The following MED13L variants were observed in gnomAD, a reference collection of about 807,000 sequenced individuals.
MED13L encodes the protein mediator of RNA polymerase II transcription subunit 13-like.
A neutral mutation model predicts 220.9 loss-of-function variants in MED13L; 7 were observed. That is an observed-to-expected ratio of 0.03 (90% CI 0.02 to 0.06). The LOEUF (loss-of-function observed/expected upper bound fraction) is 0.06, where lower values mean the gene tolerates loss of function less well. Among genes scored for constraint, MED13L ranks in the 10% least tolerant of loss-of-function variants. MED13L has a pLI of 1.00. For synonymous variants in MED13L, 1,011 were observed against 1,015.2 expected (o/e 1.00, Z 0.08); for missense variants, 1,965 against 2,760.5 (o/e 0.71, Z 6.46).
chr12:116,041,341 G>A (rs1440464039), intron 4 of MED13L, among the ~76,000 whole-genome samples: 1 of 152,068 alleles, frequency 6.6e-6, no homozygotes, highest in African/African-American at 2.4e-5. Context: ...GTCTCCTGAG[G>A]ACTCCTCTGT....
intron 2 of MED13L, among the ~76,000 whole-genome samples, chr12:116,226,506 C>T (rs563441912): frequency 2.6e-5 from 4 of 152,214 alleles, no homozygotes; most frequent in Non-Finnish European, 4.4e-5. Context: ...CTTCAGGTAG[C>T]ATCCAGACAG....
intron 2 of MED13L, among the ~76,000 whole-genome samples, chr12:116,155,250 C>T (rs1035616065): frequency 2.0e-5 from 3 of 152,036 alleles, no homozygotes; most frequent in South Asian, 4.1e-4. Context: ...ACAGAGAAAC[C>T]GTCTCTACAA....
intron 1 of MED13L, among the ~76,000 whole-genome samples, chr12:116,254,298 A>G (rs560629573): frequency 6.6e-6 from 1 of 152,248 alleles, no homozygotes; most frequent in East Asian, 1.9e-4. Context: ...AAACCCATCT[A>G]TAATTGCAGA....
rs74717708 is a variant in MED13L, at chr12:116,084,717, G to A, written c.479+11952C>T. Among the ~76,000 whole-genome samples, 70 of 151,818 alleles carry A rather than the reference G, an allele frequency of 4.6e-4. No individual in the cohort carries two copies. In the East Asian group the frequency reaches 9.5e-3, roughly 21 times the overall value. ...GGACAATTGCTTGAACCCAAGAGGC[G>A]GAGGTTGCAGTGAGCCACCAGTCTC... On this transcript the variant is annotated intron_variant, in intron 4 of 30. Coordinates refer to ENST00000281928, the MANE Select transcript of MED13L (RefSeq NM_015335.5).
At chr12:115,969,917 C>T (rs1876464213) in intron 27 of MED13L, among the ~76,000 whole-genome samples, 1 of 152,094 alleles carries the variant, frequency 6.6e-6, no homozygotes, top group Non-Finnish European at 1.5e-5. Context: ...AAGTGAAAAC[C>T]ATCACCTAGA....
intron 14 of MED13L, among the ~76,000 whole-genome samples, chr12:115,998,874 A>G (rs890614129): frequency 1.3e-5 from 2 of 152,230 alleles, no homozygotes; most frequent in Non-Finnish European, 2.9e-5. Flanking sequence ...TATACAAAAA[A>G]GTACCTGCTG....
At chr12:116,012,073 A>G (rs900340777) in intron 9 of MED13L, among the ~76,000 whole-genome samples, 1 of 152,222 alleles carries the variant, frequency 6.6e-6, no homozygotes, top group Admixed American at 6.5e-5. Flanking sequence ...ATATTTCAGA[A>G]GCAGGGCTAC....
intron 1 of MED13L, among the ~76,000 whole-genome samples, chr12:116,262,310 A>G (rs1052571532): frequency 5.9e-5 from 9 of 152,186 alleles, no homozygotes; most frequent in Non-Finnish European, 2.9e-5. Context: ...AACATACTAA[A>G]ACTAGACTGG....
At chr12:116,179,539 C>G (rs1393356742) in intron 2 of MED13L, among the ~76,000 whole-genome samples, 1 of 148,498 alleles carries the variant, frequency 6.7e-6, no homozygotes, top group Non-Finnish European at 1.5e-5. Flanking sequence ...AGCACGTGAA[C>G]CGAGAAAATA....
chr12:116,188,868 G>T (rs577195884), intron 2 of MED13L, among the ~76,000 whole-genome samples: 1 of 152,184 alleles, frequency 6.6e-6, no homozygotes, highest in African/African-American at 2.4e-5. Flanking sequence ...TCATTTTCTG[G>T]AGATTTATCC....
At chr12:116,054,727 CACA>C (rs374750776) in intron 4 of MED13L, among the ~76,000 whole-genome samples, 5 of 152,270 alleles carry the variant, frequency 3.3e-5, no homozygotes, top group Middle Eastern at 6.8e-3. Context: ...GGACAGGACA[CACA>C]ACAACTTTCA....
chr12:116,085,316 CAAT>C (rs202027372), intron 4 of MED13L, among the ~76,000 whole-genome samples: 2,961 of 152,178 alleles, frequency 0.019, 52 homozygotes, highest in Middle Eastern at 0.045. Flanking sequence ...ACAAACCACT[CAAT>C]AATGAATAAC....
chr12:115,983,645 C>CAATACTCTGATTACAATACCCAA (rs1228277017), intron 20 of MED13L, 105 bp from the exon 21 acceptor site: 8 of 1,230,012 alleles, frequency 6.5e-6, no homozygotes, highest in African/African-American at 1.5e-5. Flanking sequence ...TTTCAGGCTG[C>CAATACTCTGATTACAATACCCAA]AATACTCTGA....
chr12:116,027,807 A>C (rs1313521351), intron 4 of MED13L, among the ~76,000 whole-genome samples: 1 of 152,226 alleles, frequency 6.6e-6, no homozygotes, highest in Non-Finnish European at 1.5e-5. Flanking sequence ...CCGCACTGAG[A>C]ACAGAATCCT....
At chr12:116,187,424 A>G (rs999383552) in intron 2 of MED13L, among the ~76,000 whole-genome samples, 1 of 152,246 alleles carries the variant, frequency 6.6e-6, no homozygotes, top group Non-Finnish European at 1.5e-5. Context: ...CTCCTATGTC[A>G]GTGTCTATCA....
intron 23 of MED13L, among the ~76,000 whole-genome samples, chr12:115,978,196 A>G (rs2137253873): frequency 6.6e-6 from 1 of 152,204 alleles, no homozygotes; most frequent in South Asian, 2.1e-4. Flanking sequence ...GGAGTGGGGA[A>G]TGAGTAGTGT....
At chr12:116,175,438 C>A (rs992616239) in intron 2 of MED13L, among the ~76,000 whole-genome samples, 2 of 152,028 alleles carry the variant, frequency 1.3e-5, no homozygotes, top group Non-Finnish European at 2.9e-5. Context: ...GTAGAGGTAA[C>A]AACAAAAACT....
chr12:116,142,013 A>G (rs569401128), intron 2 of MED13L, among the ~76,000 whole-genome samples: 2 of 151,990 alleles, frequency 1.3e-5, no homozygotes, highest in Admixed American at 1.3e-4. Context: ...CTTTGTATTT[A>G]CTGTTCTCTC....
intron 2 of MED13L, among the ~76,000 whole-genome samples, chr12:116,158,152 A>G (rs73200219): frequency 0.14 from 18,703 of 136,070 alleles, 1,383 homozygotes; most frequent in South Asian, 0.21. Context: ...ATTCAAGGGG[A>G]AAAAAAAAAA....
Sources: allele counts gnomAD v4.1 joint callset (sites outside exome capture counted in the v4.1 genomes callset), GRCh38; gene constraint gnomAD v4.1.1; transcripts MANE v1.5; gene names NCBI Gene and HGNC (gene_info 2026-07-23, HGNC 2026-07-21).